EIF2B5: variants seen among roughly 807,000 people sequenced by gnomAD.
EIF2B5 encodes the protein eukaryotic translation initiation factor 2B subunit epsilon.
EIF2B5 carries 38 observed loss-of-function variants against 87.3 expected under a neutral mutation model. The observed-to-expected ratio is 0.44, with a 90% confidence interval of 0.34 to 0.57. EIF2B5 has a LOEUF of 0.57. EIF2B5 is among the 20% of genes least tolerant of loss of function. The pLI, the probability that EIF2B5 is intolerant of heterozygous loss-of-function variation, is 0.02. For synonymous variants in EIF2B5, 313 were observed against 339.6 expected (o/e 0.92, Z 0.86); for missense variants, 784 against 909.5 (o/e 0.86, Z 1.78).
chr3:184,143,174 G>A, intron 12 of EIF2B5, 32 bp downstream of exon 12: 1 of 1,604,768 alleles, frequency 6.2e-7, no homozygotes, highest in Non-Finnish European at 8.5e-7. Context: ...TCTCCTCGGG[G>A]TGATCCCGGG....
At position 184,142,309 on chromosome 3, in the gene EIF2B5, G is replaced by C; in HGVS notation, c.1375G>C (p.Asp459His). The C allele has an allele frequency of 3.7e-6, 6 of 1,614,146 alleles. No homozygotes were observed. Among genetic ancestry groups the C allele is most frequent in the Non-Finnish European group, 5.1e-6 (6 of 1,180,018 alleles). Residue 459 changes from aspartate to histidine, a missense_variant, in exon 9 of 16, where the codon GAT (aspartate) becomes CAT (histidine). Asp to His is a moderately conservative substitution (Grantham distance 81, BLOSUM62 -1). Transcript: ENST00000648915. This position sits in a 1 kb window ranked among gnomAD's most constrained non-coding sequence, Gnocchi z 5.0. ...TTTGCACCCTCCAGATGCAGAGGAAGATGAAGATGATGGCGAGTTCAGTGA... is the reference window on the plus strand; with the variant it reads ...TTTGCACCCTCCAGATGCAGAGGAACATGAAGATGATGGCGAGTTCAGTGA... Reference protein sequence around the residue: ...ISLHPPDAEEDEDDGEFSDDS... With the variant: ...ISLHPPDAEEHEDDGEFSDDS...
Position 184,137,712 on chromosome 3 carries a change from T to C in EIF2B5, c.413T>C (p.Val138Ala), listed in dbSNP as rs188135586. 3 of 1,614,204 alleles carry C rather than the reference T, an allele frequency of 1.9e-6. No individual in the cohort carries two copies. The East Asian group carries it at 6.7e-5, about 36-fold the overall frequency. Residue 138 changes from valine (V) to alanine (A), a missense_variant, in exon 3 of 16, where the codon GTT (valine) becomes GCT (alanine). By Grantham distance (64) the Val-to-Ala change is moderately conservative. Around this residue, in one of 3 missense-constraint regions of EIF2B5, gnomAD observed 660 missense variants for 789.5 expected, o/e 0.84. Transcript: ENST00000648915. The part of the protein sequence containing the change: ...YRSLGDVLRD[V>A]DAKALVRSDF... ...TCACTGGGAGATGTCCTCCGTGATGTTGATGCCAAGGCTTTGGTGCGCTCT... is the reference window on the plus strand; with the variant it reads ...TCACTGGGAGATGTCCTCCGTGATGCTGATGCCAAGGCTTTGGTGCGCTCT...
chr3:184,143,310 A>G, intron 12 of EIF2B5, 132 bp from the exon 13 acceptor site: 1 of 1,530,114 alleles, frequency 6.5e-7, no homozygotes, highest in Non-Finnish European at 9.0e-7. Flanking sequence ...CTCAGCATAG[A>G]CTTTCTCCTT....
In EIF2B5 at chr3:184,140,589, C is replaced by A. The variant is rs113994068; in HGVS notation, c.1015C>A (p.Arg339=). Residue 339 remains arginine, a synonymous_variant, in exon 7 of 16, where the codon CGG becomes AGG. Coordinates refer to ENST00000648915, the MANE Select transcript of EIF2B5 (RefSeq NM_003907.3). ...DSTTQSCTHS[R]HNIYRGPEVS... ...CACCACCCAGAGCTGCACTCATTCC[C>A]GGCACAACATCTACCGAGGGCCTGA... 1.2e-6 allele frequency: 2 copies of A among 1,614,228 alleles called. No individual in the cohort carries two copies. The highest frequency in any genetic ancestry group is 2.2e-5 in the South Asian group (2 of 91,080).
intron 13 of EIF2B5, 63 bp from the exon 14 acceptor site, chr3:184,144,036 T>C (rs1713753655): frequency 6.2e-7 from 1 of 1,612,442 alleles, no homozygotes; most frequent in Non-Finnish European, 8.5e-7. Flanking sequence ...ATGGATTTGC[T>C]TGGATGTCCA....
intron 12 of EIF2B5, 111 bp from the exon 13 acceptor site, chr3:184,143,331 C>A (rs755329788): frequency 1.3e-6 from 2 of 1,581,460 alleles, no homozygotes; most frequent in African/African-American, 2.7e-5. Context: ...CCTAAACCCT[C>A]CCCTTCCATA....
At chr3:184,135,723 T>G in intron 1 of EIF2B5, 143 bp downstream of exon 1, 1 of 1,187,790 alleles carries the variant, frequency 8.4e-7, no homozygotes, top group Non-Finnish European at 1.2e-6. Flanking sequence ...AGAGGGACTG[T>G]CTAAACCCTG....
intron 7 of EIF2B5, among the ~76,000 whole-genome samples, chr3:184,141,239 A>G (rs185402329): frequency 1.3e-4 from 20 of 152,268 alleles, no homozygotes; most frequent in Non-Finnish European, 2.6e-4. Context: ...TGATGCGTCT[A>G]ATAGTACTGC....
rs751446315 is a variant in EIF2B5 at position 184,144,143 on chromosome 3, C to T, written c.1914C>T (p.Arg638=). 81 of 1,614,070 alleles carry T rather than the reference C, an allele frequency of 5.0e-5. No homozygotes were observed. The highest frequency in any genetic ancestry group is 3.3e-4 in the Middle Eastern group (2 of 6,080). ...WSPVFRNYIK[R]AADHLEALAA... is the part of the protein sequence containing the mutation. ...CTGTTTTTAGGAACTACATAAAGCG[C>T]GCAGCCGACCATTTGGAAGCGTTAG... The change falls in exon 14 of 16, where the codon CGC becomes CGT. Residue 638 remains arginine, a synonymous_variant. Transcript: ENST00000648915.
At chr3:184,138,368 A>AT in intron 5 of EIF2B5, 122 bp downstream of exon 5, 3 of 996,406 alleles carry the variant, frequency 3.0e-6, no homozygotes, top group Non-Finnish European at 4.6e-6. Flanking sequence ...TTTTACTTTT[A>AT]TTTTTTGAGA....
rs756351717 is a variant in EIF2B5 at position 184,137,881 on chromosome 3, C to T, written c.507-17C>T. 2 of 1,614,100 alleles carry T rather than the reference C, an allele frequency of 1.2e-6. No individual in the cohort carries two copies. Among genetic ancestry groups the T allele is most frequent in the East Asian group, 4.5e-5 (2 of 44,884 alleles). On this transcript the variant is annotated splice_polypyrimidine_tract_variant and intron_variant, in intron 3 of 15. Transcript: ENST00000648915. ...GAGACTGCTTTTTTGCAGTTCTGTC[C>T]CTCCTGTCCTTTATAGGTTGAGACG... is the stretch of plus-strand genomic sequence containing the variant.
chr3:184,142,175 C>T lies in EIF2B5; in HGVS notation c.1303-62C>T. The T allele has an allele frequency of 3.1e-6, 5 of 1,614,030 alleles. No individual in the cohort carries two copies. The highest frequency in any genetic ancestry group is 1.1e-5 in the South Asian group (1 of 91,002). ...CATAATCCTGTCTAAAAAAGTTGCT[C>T]TCATTATCAGGATGCACTTTTCCTC... is the stretch of plus-strand genomic sequence containing the variant. On this transcript the variant is annotated intron_variant, in intron 8 of 15. Coordinates refer to ENST00000648915, the MANE Select transcript of EIF2B5 (RefSeq NM_003907.3). This position sits in a 1 kb window ranked among gnomAD's most constrained non-coding sequence, Gnocchi z 5.0.
intron 13 of EIF2B5, 144 bp from the exon 14 acceptor site, chr3:184,143,955 A>G: frequency 7.8e-7 from 1 of 1,288,946 alleles, no homozygotes. Flanking sequence ...CCTGTCAACA[A>G]CTCCCAAGTC....
At chr3:184,138,874 C>A in intron 5 of EIF2B5, 1 of 294,388 alleles carries the variant, frequency 3.4e-6, no homozygotes, top group Non-Finnish European at 6.7e-6. Flanking sequence ...GTTGTCCGGC[C>A]TGGTCACGAA....
In EIF2B5 at chr3:184,142,437, G is replaced by A; in HGVS notation, c.1444+59G>A. ...GTCTCGCTGCCTCATAGAAGAACCA[G>A]TGTTTCCTCCTGGAGGGATTGGTGC... On this transcript the variant is annotated intron_variant, in intron 9 of 15. Coordinates refer to ENST00000648915, the MANE Select transcript of EIF2B5 (RefSeq NM_003907.3). This position sits in a 1 kb window ranked among gnomAD's most constrained non-coding sequence, Gnocchi z 5.0. 1 of 1,614,202 alleles carries A rather than the reference G, an allele frequency of 6.2e-7. No homozygotes were observed. Among genetic ancestry groups the A allele is most frequent in the East Asian group, 2.2e-5 (1 of 44,878 alleles).
intron 5 of EIF2B5, chr3:184,138,959 T>TTTG (rs372870381): frequency 4.3e-4 from 106 of 245,440 alleles, no homozygotes; most frequent in Non-Finnish European, 7.5e-4. Flanking sequence ...ACCAGTTTTT[T>TTTG]TTGTTGTTGT....
intron 5 of EIF2B5, 52 bp from the exon 6 acceptor site, chr3:184,140,028 A>G: frequency 6.7e-7 from 1 of 1,501,808 alleles, no homozygotes. Flanking sequence ...TCTCAAAAAA[A>G]AAAAAAAAAG....
chr3:184,136,284 A>C (rs868188345), intron 1 of EIF2B5, among the ~76,000 whole-genome samples: 2 of 152,246 alleles, frequency 1.3e-5, no homozygotes, highest in Non-Finnish European at 2.9e-5. Flanking sequence ...CTTATGGGGA[A>C]GAAGGCCTTA....
intron 13 of EIF2B5, 57 bp downstream of exon 13, chr3:184,143,622 A>C (rs1373509173): frequency 1.2e-6 from 2 of 1,613,030 alleles, no homozygotes; most frequent in African/African-American, 2.7e-5. Flanking sequence ...GGAAATCAGG[A>C]GTAGACTGTC....
Sources: allele counts gnomAD v4.1 joint callset (sites outside exome capture counted in the v4.1 genomes callset), GRCh38; gene constraint gnomAD v4.1.1; regional missense constraint gnomAD v4.1.1; non-coding constraint Gnocchi (gnomAD v3.1); transcripts MANE v1.5; gene names NCBI Gene and HGNC (gene_info 2026-07-23, HGNC 2026-07-21).